Variants in IDH3A observed in about 807,000 individuals in gnomAD.
IDH3A encodes the protein isocitrate dehydrogenase [NAD] subunit alpha, mitochondrial.
IDH3A carries 23 observed loss-of-function variants against 43.3 expected under a neutral mutation model. That is an observed-to-expected ratio of 0.53 (90% CI 0.38 to 0.75). The LOEUF is 0.75. Among genes scored for constraint, IDH3A ranks in the 30% least tolerant of loss-of-function variants. The pLI is 0.00. For missense variants in IDH3A, 329 were observed against 474.4 expected (o/e 0.69, Z 2.85); for synonymous variants, 154 against 163.5 (o/e 0.94, Z 0.44).
chr15:78,159,241 A>C (rs1277829760), intron 3 of IDH3A, among the ~76,000 whole-genome samples: 1 of 152,112 alleles, frequency 6.6e-6, no homozygotes, highest in African/African-American at 2.4e-5. Flanking sequence ...CTCACCGAAA[A>C]AGAAACCCCA....
At chr15:78,156,128 A>G (rs1349711353) in intron 2 of IDH3A, among the ~76,000 whole-genome samples, 1 of 152,216 alleles carries the variant, frequency 6.6e-6, no homozygotes, top group African/African-American at 2.4e-5. Context: ...TGCTTATGCC[A>G]AAAATGCAGG....
intron 2 of IDH3A, among the ~76,000 whole-genome samples, chr15:78,155,905 G>A (rs575722651): frequency 6.6e-6 from 1 of 152,130 alleles, no homozygotes; most frequent in Non-Finnish European, 1.5e-5. Flanking sequence ...TTTGATCCCC[G>A]CCCCGCCTTT....
chr15:78,161,508 G>A lies in IDH3A; in HGVS notation c.290-73G>A, dbSNP rs946791588. 14 of 1,188,868 alleles carry A rather than the reference G, an allele frequency of 1.2e-5. No homozygotes were observed. Among genetic ancestry groups the A allele is most frequent in the Non-Finnish European group, 1.6e-5 (13 of 822,810 alleles). The allele number at this position is 1,188,868 out of a possible 1,614,324, so 73.6% of individuals were successfully genotyped here. ...GCAGAACACATTTCACAAGGTAGCC[G>A]AGGTGGGTTAGTAGGTCACACGTGA... On this transcript the variant is annotated intron_variant, in intron 4 of 10. Coordinates refer to ENST00000299518, the MANE Select transcript of IDH3A (RefSeq NM_005530.3). The surrounding 1 kb of genome is among the most constrained non-coding windows in gnomAD (Gnocchi z 4.8).
At chr15:78,153,128 T>G (rs1033501475) in intron 1 of IDH3A, among the ~76,000 whole-genome samples, 3 of 152,142 alleles carry the variant, frequency 2.0e-5, no homozygotes, top group African/African-American at 4.8e-5. Context: ...TTCTTTTTTT[T>G]GTCCATTACC....
Position 78,155,189 on chromosome 15 carries a change from A to G in IDH3A, c.28-24A>G, listed in dbSNP as rs768434306. On this transcript the variant is annotated intron_variant, in intron 1 of 10. Coordinates refer to ENST00000299518, the MANE Select transcript of IDH3A (RefSeq NM_005530.3). ...TATGTGGTTTAATTCTGTGTGTGAT[A>G]TTTCTCTGTTGATATTAATATAGGT... is the stretch of plus-strand genomic sequence containing the variant. 12 of 1,570,672 alleles carry G rather than the reference A, an allele frequency of 7.6e-6. No individual in the cohort carries two copies. The South Asian group carries it at 1.3e-4, about 18-fold the overall frequency.
chr15:78,149,913 A>G (rs2074559990), intron 1 of IDH3A, among the ~76,000 whole-genome samples: 1 of 152,240 alleles, frequency 6.6e-6, no homozygotes, highest in Non-Finnish European at 1.5e-5. Context: ...TGCCACGGGC[A>G]CTGGCGTTGA....
chr15:78,157,947 GC>G (rs2074639980), intron 3 of IDH3A, among the ~76,000 whole-genome samples: 2 of 151,800 alleles, frequency 1.3e-5, no homozygotes, highest in Non-Finnish European at 2.9e-5. Context: ...ATAGGCGTGA[GC>G]CACCGCACCT....
chr15:78,164,744 T>C (rs1460511327), intron 8 of IDH3A, among the ~76,000 whole-genome samples: 1 of 152,108 alleles, frequency 6.6e-6, no homozygotes, highest in African/African-American at 2.4e-5. Flanking sequence ...CTGATGGGGG[T>C]CCCTTCACCA....
intron 8 of IDH3A, 25 bp from the exon 9 acceptor site, chr15:78,164,967 C>T: frequency 1.3e-6 from 2 of 1,581,766 alleles, no homozygotes; most frequent in Non-Finnish European, 1.7e-6. Context: ...TAAAAACATT[C>T]TTTGAAATGC....
chr15:78,160,367 TG>T (rs2074669369), intron 4 of IDH3A, among the ~76,000 whole-genome samples, 161 bp downstream of exon 4: 1 of 152,240 alleles, frequency 6.6e-6, no homozygotes, highest in Non-Finnish European at 1.5e-5. Flanking sequence ...TTTATTCATT[TG>T]GGACATTTTT....
At position 78,166,308 on chromosome 15, in the gene IDH3A, AGGAAT is replaced by A; in HGVS notation, c.1017+7_1017+11del. Reference sequence around the variant, plus strand: ...CTACAATTAAGGACGGAAAGGTAACAGGAATCTTGATTTACTTGTGCTGGGTAAAA... The same window carrying A: ...CTACAATTAAGGACGGAAAGGTAACACTTGATTTACTTGTGCTGGGTAAAA... On this transcript the variant is annotated splice_region_variant and intron_variant, in intron 10 of 10. Coordinates refer to ENST00000299518, the MANE Select transcript of IDH3A (RefSeq NM_005530.3). 6.2e-7 allele frequency: 1 copy of A among 1,613,918 alleles called. No individual in the cohort carries two copies. The highest frequency in any genetic ancestry group is 1.1e-5 in the South Asian group (1 of 91,086).
chr15:78,169,098 T>C lies in IDH3A; in HGVS notation c.*93T>C, dbSNP rs932846633. Reference sequence around the variant, plus strand: ...CCTACGTATGTATGCATTGGTTTGCTTGTTTCTTGACAGTACATTTTTAGA... The same window carrying C: ...CCTACGTATGTATGCATTGGTTTGCCTGTTTCTTGACAGTACATTTTTAGA... On this transcript the variant is annotated 3_prime_UTR_variant, in exon 11 of 11. Transcript: ENST00000299518. 1.4e-5 allele frequency: 10 copies of C among 732,880 alleles called. No individual in the cohort carries two copies. Among genetic ancestry groups the C allele is most frequent in the Non-Finnish European group, 2.2e-5 (10 of 447,386 alleles). 45.4% of individuals were successfully genotyped at this position (732,880 alleles called of 1,614,324 possible).
chr15:78,165,383 G>T (rs1236166052), intron 9 of IDH3A, among the ~76,000 whole-genome samples: 4 of 151,932 alleles, frequency 2.6e-5, no homozygotes, highest in African/African-American at 7.3e-5. Flanking sequence ...TAGAGATGGG[G>T]TTTCACCATG....
intron 10 of IDH3A, 31 bp from the exon 11 acceptor site, chr15:78,168,891 A>C (rs554024573): frequency 6.9e-7 from 1 of 1,453,238 alleles, no homozygotes; most frequent in South Asian, 1.2e-5. Flanking sequence ...TTGCGGATAC[A>C]TCTTTTATTT....
chr15:78,156,962 TA>T (rs1449810867), intron 2 of IDH3A: 2 of 1,349,252 alleles, frequency 1.5e-6, no homozygotes, highest in Admixed American at 3.9e-5. Flanking sequence ...GACAGTTTTA[TA>T]GAGGAACTAA....
intron 9 of IDH3A, 108 bp from the exon 10 acceptor site, chr15:78,166,042 T>G (rs190136041): frequency 1.2e-4 from 121 of 1,022,538 alleles, no homozygotes; most frequent in Non-Finnish European, 1.6e-4. Flanking sequence ...TAGCTTTCAG[T>G]GCATATTTTG....
At position 78,161,560 on chromosome 15, in the gene IDH3A, G is replaced by C; in HGVS notation, c.290-21G>C. On this transcript the variant is annotated intron_variant, in intron 4 of 10. Transcript: ENST00000299518. The surrounding 1 kb of genome is among the most constrained non-coding windows in gnomAD (Gnocchi z 4.8). Reference sequence around the variant, plus strand: ...ACCAGAATTCCTTCTAGTGTCATCTGGGTTTTCTTCTGTATAACAGGCCCT... The same window carrying C: ...ACCAGAATTCCTTCTAGTGTCATCTCGGTTTTCTTCTGTATAACAGGCCCT... 1 of 1,605,054 alleles carries C rather than the reference G, an allele frequency of 6.2e-7. No individual in the cohort carries two copies.
intron 1 of IDH3A, among the ~76,000 whole-genome samples, chr15:78,152,219 C>T (rs1407272295): frequency 6.6e-6 from 1 of 150,938 alleles, no homozygotes; most frequent in Non-Finnish European, 1.5e-5. Context: ...CCATCACACC[C>T]AGCTGATTTT....
intron 2 of IDH3A, among the ~76,000 whole-genome samples, chr15:78,156,513 GA>G (rs2074624594): frequency 6.6e-6 from 1 of 151,936 alleles, no homozygotes; most frequent in South Asian, 2.1e-4. Context: ...TTAGAAAAAT[GA>G]AAAAAATAAA....
Sources: allele counts gnomAD v4.1 joint callset (sites outside exome capture counted in the v4.1 genomes callset), GRCh38; gene constraint gnomAD v4.1.1; non-coding constraint Gnocchi (gnomAD v3.1); transcripts MANE v1.5; gene names NCBI Gene and HGNC (gene_info 2026-07-23, HGNC 2026-07-21).